Variants in SYNE2 observed in about 807,000 individuals in gnomAD.
SYNE2 encodes the protein spectrin repeat containing nuclear envelope protein 2.
Under a neutral mutation model 856.3 loss-of-function variants are expected in SYNE2, and 431 were observed. That is an observed-to-expected ratio of 0.50 (90% CI 0.47 to 0.55). The LOEUF (loss-of-function observed/expected upper bound fraction) is 0.55, where lower values mean the gene tolerates loss of function less well. Among genes scored for constraint, SYNE2 ranks in the 20% least tolerant of loss-of-function variants. The pLI, the probability that SYNE2 is intolerant of heterozygous loss-of-function variation, is 0.00. For synonymous variants in SYNE2, 2,923 were observed against 2,872.3 expected (o/e 1.02, Z -0.56); for missense variants, 8,129 against 8,023.2 (o/e 1.01, Z -0.50).
chr14:64,061,825 C>T (rs1426614178), intron 49 of SYNE2, among the ~76,000 whole-genome samples: 1 of 152,160 alleles, frequency 6.6e-6, no homozygotes, highest in Non-Finnish European at 1.5e-5. Context: ...GGGATTGGCT[C>T]CCAGCTTTAT....
chr14:64,225,778 T>G lies in SYNE2; in HGVS notation c.*252T>G, dbSNP rs1265641691. The G allele has an allele frequency of 1.0e-5, 6 of 595,136 alleles. No homozygotes were observed. Among genetic ancestry groups the G allele is most frequent in the Non-Finnish European group, 1.8e-5 (6 of 333,566 alleles). 36.9% of individuals were successfully genotyped at this position (595,136 alleles called of 1,614,324 possible). ...CAGAACTAGTTGATTAGTTTAGGGATCTCTGGAAATGTCAGTTTCCTGAAG... is the reference window on the plus strand; with the variant it reads ...CAGAACTAGTTGATTAGTTTAGGGAGCTCTGGAAATGTCAGTTTCCTGAAG... On this transcript the variant is annotated 3_prime_UTR_variant, in exon 116 of 116. Transcript: ENST00000555002.
chr14:63,804,800 G>T (rs1888297199), intron 1 of SYNE2, among the ~76,000 whole-genome samples: 1 of 152,048 alleles, frequency 6.6e-6, no homozygotes, highest in Admixed American at 6.6e-5. Flanking sequence ...AGCCTTCCTA[G>T]GTTTTCTTCT....
chr14:64,023,424 T>G (rs2096952958), intron 38 of SYNE2: 1 of 153,096 alleles, frequency 6.5e-6, no homozygotes, highest in Non-Finnish European at 1.5e-5. Context: ...GCTGTTTAAT[T>G]TAGTGTCCAC....
At chr14:64,185,588 T>C (rs2098485344) in intron 96 of SYNE2, among the ~76,000 whole-genome samples, 1 of 151,096 alleles carries the variant, frequency 6.6e-6, no homozygotes, top group African/African-American at 2.4e-5. Flanking sequence ...TGGTGCGATC[T>C]TGTCTCACTG....
At chr14:64,221,832 G>A (rs1353275285) in intron 112 of SYNE2, 128 bp downstream of exon 112, 1 of 1,126,824 alleles carries the variant, frequency 8.9e-7, no homozygotes, top group Non-Finnish European at 1.3e-6. Context: ...AAATGCACGA[G>A]TTCAGCCCTA....
intron 1 of SYNE2, among the ~76,000 whole-genome samples, chr14:63,879,300 AAAG>A (rs2140566197): frequency 6.6e-6 from 1 of 152,332 alleles, no homozygotes; most frequent in South Asian, 2.1e-4. Context: ...CAAGGCAGGA[AAAG>A]AAGACTTGAC....
At position 64,170,567 on chromosome 14, in the gene SYNE2, G is replaced by C. The variant is rs895196169; in HGVS notation, c.17235+105G>C. On this transcript the variant is annotated intron_variant, in intron 94 of 115. Coordinates refer to ENST00000555002, the MANE Select transcript of SYNE2 (RefSeq NM_182914.3). ...TTTTTGATGATGATGTGATCCAAGT[G>C]GGCTCTCTGCAGTGTGAGGCCAGCA... is the stretch of plus-strand genomic sequence containing the variant. The C allele has an allele frequency of 2.8e-4, 334 of 1,201,026 alleles. 2 individuals carry two copies. Among genetic ancestry groups the C allele is most frequent in the Middle Eastern group, 5.6e-4 (3 of 5,334 alleles). 74.4% of individuals were successfully genotyped at this position (1,201,026 alleles called of 1,614,324 possible).
chr14:64,026,720 A>C lies in SYNE2; in HGVS notation c.6394A>C (p.Thr2132Pro). 1 of 1,608,536 alleles carries C rather than the reference A, an allele frequency of 6.2e-7. No individual in the cohort carries two copies. The highest frequency in any genetic ancestry group is 8.5e-7 in the Non-Finnish European group (1 of 1,177,120). Reference sequence around the variant, plus strand: ...GGACAACACACTCCATTTAGCTAGCACCTACCTAAGGTAAAGGGCATGCCT... The same window carrying C: ...GGACAACACACTCCATTTAGCTAGCCCCTACCTAAGGTAAAGGGCATGCCT... ...QWDNTLHLAS[T>P]YLSHQEKLLL... Residue 2132 changes from threonine to proline, a missense_variant, in exon 42 of 116, where the codon ACC becomes CCC. Thr to Pro is a conservative substitution (Grantham distance 38, BLOSUM62 -1). Coordinates refer to ENST00000555002, the MANE Select transcript of SYNE2 (RefSeq NM_182914.3).
At chr14:64,162,916 A>C (rs142051214) in intron 88 of SYNE2, 1 of 183,928 alleles carries the variant, frequency 5.4e-6, no homozygotes, top group Non-Finnish European at 1.2e-5. Context: ...CTGAGCTGAT[A>C]ATTTAAAAAT....
Position 64,089,123 on chromosome 14 carries a change from T to G in SYNE2, c.11671-451T>G, listed in dbSNP as rs188968266. Among the ~76,000 whole-genome samples, 490 of 152,106 alleles carry G rather than the reference T, an allele frequency of 3.2e-3. 2 individuals carry two copies. Among genetic ancestry groups the G allele is most frequent in the East Asian group, 3.7e-3 (19 of 5,178 alleles). On this transcript the variant is annotated intron_variant, in intron 58 of 115. Coordinates refer to ENST00000555002, the MANE Select transcript of SYNE2 (RefSeq NM_182914.3). Reference sequence around the variant, plus strand: ...GCTCACACCTGTAATCCCAGCACTTTGGGAGGCCGAGGCGGGTGGATCACC... The same window carrying G: ...GCTCACACCTGTAATCCCAGCACTTGGGGAGGCCGAGGCGGGTGGATCACC...
chr14:64,165,957 G>A lies in SYNE2; in HGVS notation c.16605+547G>A, dbSNP rs1439237051. On this transcript the variant is annotated intron_variant, in intron 90 of 115. Transcript: ENST00000555002. ...TAGTAGATGTTTTTTCATAATTACC[G>A]TCAGTGAACTGAAATAATCTAGAAA... Among the ~76,000 whole-genome samples the A allele has an allele frequency of 1.1e-4, 16 of 152,106 alleles. No homozygotes were observed. The South Asian group carries it at 2.5e-3, about 24-fold the overall frequency.
At chr14:64,146,610 G>A (rs1287662649) in intron 84 of SYNE2, among the ~76,000 whole-genome samples, 2 of 151,828 alleles carry the variant, frequency 1.3e-5, no homozygotes, top group Non-Finnish European at 2.9e-5. Context: ...GTGTTTTTTC[G>A]AGGAAAATGA....
At chr14:64,064,665 C>T (rs1323996699) in intron 50 of SYNE2, among the ~76,000 whole-genome samples, 1 of 151,158 alleles carries the variant, frequency 6.6e-6, no homozygotes, top group East Asian at 2.0e-4. Context: ...GGGATCCTCC[C>T]ATCCCAGCCC....
intron 23 of SYNE2, among the ~76,000 whole-genome samples, chr14:63,996,496 C>A (rs554543311): frequency 6.6e-6 from 1 of 152,006 alleles, no homozygotes; most frequent in Non-Finnish European, 1.5e-5. Flanking sequence ...CCTGCTGTGC[C>A]GTGTACTCCA....
At chr14:63,974,868 G>C (rs12385931) in intron 11 of SYNE2, among the ~76,000 whole-genome samples, 3 of 35,512 alleles carry the variant, frequency 8.4e-5, no homozygotes, top group African/African-American at 1.6e-4. Context: ...GTGTGTGTGT[G>C]TGTGTGTGTG....
intron 84 of SYNE2, among the ~76,000 whole-genome samples, chr14:64,147,277 C>T (rs1302259220): frequency 6.6e-6 from 1 of 152,210 alleles, no homozygotes; most frequent in African/African-American, 2.4e-5. Flanking sequence ...TCTCATGCAG[C>T]TGCTTCCAGC....
chr14:63,860,480 TAATAGCC>T, intron 1 of SYNE2, among the ~76,000 whole-genome samples: 1 of 152,246 alleles, frequency 6.6e-6, no homozygotes, highest in Admixed American at 6.5e-5. Context: ...AAGCACTTGC[TAATAGCC>T]CCTCAGGTCA....
intron 87 of SYNE2, 71 bp downstream of exon 87, chr14:64,159,513 AG>A: frequency 1.3e-6 from 2 of 1,567,662 alleles, no homozygotes; most frequent in Non-Finnish European, 1.7e-6. Flanking sequence ...GAGGGGGCAT[AG>A]GCATTGTAAA....
chr14:64,056,652 A>AT (rs1291613574), intron 49 of SYNE2, among the ~76,000 whole-genome samples: 1 of 147,620 alleles, frequency 6.8e-6, no homozygotes, highest in Non-Finnish European at 1.5e-5. Context: ...TTTGTTTACC[A>AT]TTTTCCTGAC....
Sources: allele counts gnomAD v4.1 joint callset (sites outside exome capture counted in the v4.1 genomes callset), GRCh38; gene constraint gnomAD v4.1.1; transcripts MANE v1.5; gene names NCBI Gene and HGNC (gene_info 2026-07-23, HGNC 2026-07-21).